RELN: variants seen among roughly 807,000 people sequenced by gnomAD.
RELN encodes reelin.
RELN carries 108 observed loss-of-function variants against 427.6 expected under a neutral mutation model. That is an observed-to-expected ratio of 0.25 (90% confidence interval 0.22 to 0.30). The LOEUF is 0.30. RELN is among the 10% of genes least tolerant of loss of function. The pLI is 1.00. For missense variants in RELN, 3,715 were observed against 4,302.8 expected (o/e 0.86, Z 3.82); for synonymous variants, 1,524 against 1,513.4 (o/e 1.01, Z -0.16).
chr7:103,818,227 C>T (rs80352042), intron 3 of RELN, among the ~76,000 whole-genome samples: 14,181 of 152,228 alleles, frequency 0.093, 824 homozygotes, highest in Non-Finnish European at 0.13. Context: ...CAAGGCTATG[C>T]ATTCCAGGGA....
At position 103,989,440 on chromosome 7, in the gene RELN, G is replaced by A; in HGVS notation, c.-84C>T. The A allele has an allele frequency of 8.4e-7, 1 of 1,186,044 alleles. No homozygotes were observed. The highest frequency in any genetic ancestry group is 1.1e-6 in the Non-Finnish European group (1 of 910,626). 73.5% of individuals were successfully genotyped at this position (1,186,044 alleles called of 1,614,324 possible). The stretch of plus-strand genomic sequence containing the variant: ...GGAGACGCCGGGACGGAGGAGCCAC[G>A]CGGAGAGAAGGCGAGAAGAAGGCGG... On this transcript the variant is annotated 5_prime_UTR_variant, in exon 1 of 65. Coordinates refer to ENST00000428762, the MANE Select transcript of RELN (RefSeq NM_005045.4). The surrounding 1 kb of genome is among the most constrained non-coding windows in gnomAD (Gnocchi z 4.9).
intron 50 of RELN, among the ~76,000 whole-genome samples, chr7:103,511,510 A>G (rs1221517493): frequency 1.3e-5 from 2 of 152,200 alleles, no homozygotes; most frequent in Non-Finnish European, 2.9e-5. Flanking sequence ...TATCTGGGTA[A>G]CTAAAAAGCT....
intron 1 of RELN, among the ~76,000 whole-genome samples, chr7:103,946,028 G>A (rs1393588864): frequency 6.6e-6 from 1 of 152,154 alleles, no homozygotes; most frequent in African/African-American, 2.4e-5. Context: ...CCATTGTTAA[G>A]CAATGCATGG....
At chr7:103,931,677 A>G (rs956136440) in intron 1 of RELN, among the ~76,000 whole-genome samples, 1 of 152,232 alleles carries the variant, frequency 6.6e-6, no homozygotes, top group African/African-American at 2.4e-5. Context: ...TGTGATAGCT[A>G]TTAGAAAATC....
intron 63 of RELN, among the ~76,000 whole-genome samples, chr7:103,479,497 T>A (rs1436770226): frequency 6.6e-6 from 1 of 152,176 alleles, no homozygotes; most frequent in Non-Finnish European, 1.5e-5. Flanking sequence ...TACGGCAGAT[T>A]AGCAGGGGCT....
At chr7:103,925,506 T>C (rs2116693939) in intron 1 of RELN, among the ~76,000 whole-genome samples, 1 of 152,284 alleles carries the variant, frequency 6.6e-6, no homozygotes, top group East Asian at 1.9e-4. Context: ...ACGTTACTTT[T>C]ATATGAGGCT....
At chr7:103,520,954 G>GTTTTTTTTTTTTT (rs1462369530) in intron 48 of RELN, among the ~76,000 whole-genome samples, 4 of 78,200 alleles carry the variant, frequency 5.1e-5, no homozygotes, top group African/African-American at 5.0e-5. Flanking sequence ...CAGTAAATTT[G>GTTTTTTTTTTTTT]TTATTTTTTT....
chr7:103,503,754 T>G (rs1829113336), intron 51 of RELN, among the ~76,000 whole-genome samples: 1 of 152,140 alleles, frequency 6.6e-6, no homozygotes, highest in Admixed American at 6.6e-5. Flanking sequence ...GTTAATACAG[T>G]GGGATTTAGG....
intron 2 of RELN, among the ~76,000 whole-genome samples, chr7:103,916,768 C>A (rs928139817): frequency 5.9e-5 from 9 of 152,078 alleles, no homozygotes; most frequent in African/African-American, 2.2e-4. Context: ...GACATCAGAG[C>A]AAATTCCAGC....
chr7:103,755,226 T>TGGGCGGATCACGA (rs1156260158), intron 4 of RELN, among the ~76,000 whole-genome samples: 2 of 151,052 alleles, frequency 1.3e-5, no homozygotes, highest in Non-Finnish European at 3.0e-5. Context: ...GAGGCTGAGG[T>TGGGCGGATCACGA]GGGCGGATCA....
At chr7:103,681,333 T>C (rs1278237963) in intron 11 of RELN, among the ~76,000 whole-genome samples, 4 of 152,212 alleles carry the variant, frequency 2.6e-5, no homozygotes, top group Non-Finnish European at 5.9e-5. Flanking sequence ...TGTTGTATTA[T>C]GGAAAAGTTT....
Position 103,574,120 on chromosome 7 carries a change from T to A in RELN, c.4483A>T (p.Thr1495Ser). The A allele has an allele frequency of 1.2e-6, 2 of 1,614,180 alleles. No individual in the cohort carries two copies. The highest frequency in any genetic ancestry group is 1.7e-6 in the Non-Finnish European group (2 of 1,180,010). ...ATATTCCTGGTGTCCAGAGGGACCG[T>A]CCGGGCTTCCCTTTTCCCAGGGCCA... The part of the protein sequence containing the change: ...FNGPGKREAR[T>S]VPLDTRNIRL... Residue 1495 changes from threonine to serine, a missense_variant, in exon 30 of 65, where the codon ACG becomes TCG. Thr to Ser is a moderately conservative substitution (Grantham distance 58, BLOSUM62 1). Around this residue, in one of 4 missense-constraint regions of RELN, gnomAD observed 2,208 missense variants for 2,361.7 expected, o/e 0.93. Transcript: ENST00000428762.
At chr7:103,809,302 A>G (rs1792676651) in intron 3 of RELN, among the ~76,000 whole-genome samples, 1 of 152,186 alleles carries the variant, frequency 6.6e-6, no homozygotes, top group South Asian at 2.1e-4. Context: ...TTTTCTCCAA[A>G]TAACGACAGT....
chr7:103,609,632 A>G (rs928384071), intron 22 of RELN, among the ~76,000 whole-genome samples: 229 of 152,318 alleles, frequency 1.5e-3, no homozygotes, highest in African/African-American at 5.2e-3. Flanking sequence ...GCATCCTTCA[A>G]AATAATCAAA....
At chr7:103,925,216 AAATAGT>A (rs929562199) in intron 1 of RELN, among the ~76,000 whole-genome samples, 1 of 152,122 alleles carries the variant, frequency 6.6e-6, no homozygotes, top group Non-Finnish European at 1.5e-5. Flanking sequence ...AAAAATTCCT[AAATAGT>A]AATAGTAATG....
In RELN at chr7:103,561,552, T is replaced by C. The variant is rs1165225094; in HGVS notation, c.5509A>G (p.Thr1837Ala). 1.9e-6 allele frequency: 3 copies of C among 1,613,622 alleles called. No individual in the cohort carries two copies. In the South Asian group the frequency reaches 3.3e-5, roughly 18 times the overall value. ...CTGACCCCTTTAAAAATTAGAGATG[T>C]TCCAGATTTGATGGTTTCACCATTC... ...NLNGETIKSG[T>A]SLIFKGEGLR... Residue 1837 changes from threonine to alanine, a missense_variant, in exon 36 of 65, where the codon ACA becomes GCA. Thr to Ala is a moderately conservative substitution (Grantham distance 58, BLOSUM62 0). Coordinates refer to ENST00000428762, the MANE Select transcript of RELN (RefSeq NM_005045.4).
intron 2 of RELN, among the ~76,000 whole-genome samples, chr7:103,884,017 C>A (rs1370072020): frequency 6.6e-6 from 1 of 152,090 alleles, no homozygotes; most frequent in Non-Finnish European, 1.5e-5. Context: ...TATGATACTA[C>A]CTAACTTCAA....
At chr7:103,815,107 C>T (rs910520773) in intron 3 of RELN, among the ~76,000 whole-genome samples, 1 of 152,126 alleles carries the variant, frequency 6.6e-6, no homozygotes, top group African/African-American at 2.4e-5. Flanking sequence ...ACTTTATATA[C>T]TGAAAATATT....
rs773318461 is a variant in RELN at position 103,496,628 on chromosome 7, T to A, written c.9091A>T (p.Ile3031Phe). The A allele has an allele frequency of 3.5e-5, 56 of 1,614,036 alleles. No homozygotes were observed. Among genetic ancestry groups the A allele is most frequent in the Non-Finnish European group, 4.2e-5 (50 of 1,179,996 alleles). The change falls in exon 56 of 65, where the codon ATT (isoleucine) becomes TTT (phenylalanine). Residue 3031 changes from isoleucine to phenylalanine, a missense_variant. By Grantham distance (21) the Ile-to-Phe change is conservative. Around this residue, in one of 4 missense-constraint regions of RELN, gnomAD observed 1,310 missense variants for 1,643.0 expected, o/e 0.80. Coordinates refer to ENST00000428762, the MANE Select transcript of RELN (RefSeq NM_005045.4). ...GCACGCTCCACCCCAGAGACCACAATTCCATTGCTGATCACAAAAGGCTGC... is the reference window on the plus strand; with the variant it reads ...GCACGCTCCACCCCAGAGACCACAAATCCATTGCTGATCACAAAAGGCTGC... ...WWQPFVISNG[I>F]VVSGVERAQW... is the part of the protein sequence containing the mutation.
Sources: gnomAD v4.1 joint callset for allele counts (sites outside exome capture counted in the v4.1 genomes callset) on GRCh38, gnomAD v4.1.1 for gene constraint, gnomAD v4.1.1 regional missense constraint, Gnocchi (gnomAD v3.1) non-coding constraint, MANE v1.5 for transcripts, NCBI Gene and HGNC (gene_info 2026-07-23, HGNC 2026-07-21) for gene names.